The following RAB3GAP1 variants were observed in gnomAD, a reference collection of about 807,000 sequenced individuals.
RAB3GAP1 encodes the protein rab3 GTPase-activating protein catalytic subunit.
In RAB3GAP1, 86 loss-of-function variants were observed where a neutral mutation model predicts 130.7. The ratio of observed to expected loss-of-function variants is 0.66; its 90% CI spans 0.55 to 0.79. The LOEUF (loss-of-function observed/expected upper bound fraction) is 0.79. Ranked by LOEUF, RAB3GAP1 falls within the 30% of genes least tolerant of loss-of-function variation. The pLI, the probability that RAB3GAP1 is intolerant of heterozygous loss-of-function variation, is 0.00. For missense variants in RAB3GAP1, 1,029 were observed against 1,169.4 expected (o/e 0.88, Z 1.75); for synonymous variants, 367 against 401.7 (o/e 0.91, Z 1.03).
At chr2:135,107,801 C>T (rs62170178) in intron 5 of RAB3GAP1, among the ~76,000 whole-genome samples, 6,375 of 151,504 alleles carry the variant, frequency 0.042, 157 homozygotes, top group African/African-American at 0.056. Flanking sequence ...GGTGAAACCC[C>T]GTCTCTACTA....
intron 19 of RAB3GAP1, among the ~76,000 whole-genome samples, chr2:135,156,300 C>T (rs1692309033): frequency 6.6e-6 from 1 of 152,072 alleles, no homozygotes; most frequent in South Asian, 2.1e-4. Context: ...ATTATTTCAA[C>T]ACATAATAAT....
chr2:135,114,663 A>G (rs967376166), intron 6 of RAB3GAP1, among the ~76,000 whole-genome samples: 1 of 152,208 alleles, frequency 6.6e-6, no homozygotes, highest in Non-Finnish European at 1.5e-5. Context: ...AAGATAGCTT[A>G]TTTAATATAC....
At chr2:135,095,728 C>A (rs772061254) in intron 5 of RAB3GAP1, among the ~76,000 whole-genome samples, 1 of 152,142 alleles carries the variant, frequency 6.6e-6, no homozygotes, top group South Asian at 2.1e-4. Context: ...GTATGCTGTT[C>A]TGAGTAGTAT....
intron 3 of RAB3GAP1, among the ~76,000 whole-genome samples, chr2:135,080,376 T>A (rs1170034816): frequency 6.6e-6 from 1 of 152,170 alleles, no homozygotes. Context: ...TACATACTTA[T>A]GAGCAGATGA....
intron 5 of RAB3GAP1, among the ~76,000 whole-genome samples, chr2:135,096,289 A>T (rs1690288965): frequency 6.6e-6 from 1 of 152,166 alleles, no homozygotes. Flanking sequence ...TGATTTTTTT[A>T]AATTAAAGAA....
intron 5 of RAB3GAP1, among the ~76,000 whole-genome samples, chr2:135,099,429 TTCTG>T (rs1690390041): frequency 7.2e-6 from 1 of 139,140 alleles, no homozygotes; most frequent in Non-Finnish European, 1.5e-5. Flanking sequence ...CAATTTGTAT[TTCTG>T]TGTGTGTGTG....
At chr2:135,062,884 C>T (rs927142922) in intron 3 of RAB3GAP1, among the ~76,000 whole-genome samples, 3 of 152,188 alleles carry the variant, frequency 2.0e-5, no homozygotes, top group Admixed American at 6.5e-5. Flanking sequence ...TGTGTCATAA[C>T]GCCTGGCTAA....
intron 3 of RAB3GAP1, among the ~76,000 whole-genome samples, chr2:135,069,874 C>T (rs1047524488): frequency 6.6e-6 from 1 of 152,120 alleles, no homozygotes; most frequent in African/African-American, 2.4e-5. Flanking sequence ...TTCTGTGCCT[C>T]CCTCCAGGAA....
intron 5 of RAB3GAP1, among the ~76,000 whole-genome samples, chr2:135,099,118 A>AG (rs1690381213): frequency 6.6e-6 from 1 of 151,902 alleles, no homozygotes; most frequent in African/African-American, 2.4e-5. Flanking sequence ...TGCTTATCTC[A>AG]GGGGGACAGC....
chr2:135,172,774 A>G (rs187649791), downstream of RAB3GAP1, among the ~76,000 whole-genome samples: 9 of 152,170 alleles, frequency 5.9e-5, no homozygotes, highest in Admixed American at 3.9e-4. Flanking sequence ...TAATTTTTAG[A>G]GGTTTATTAG....
Position 135,091,059 on chromosome 2 carries a change from A to G in RAB3GAP1, c.212A>G (p.Lys71Arg), listed in dbSNP as rs1239413701. 1 of 1,609,010 alleles carries G rather than the reference A, an allele frequency of 6.2e-7. No homozygotes were observed. Among genetic ancestry groups the G allele is most frequent in the Non-Finnish European group, 8.5e-7 (1 of 1,175,676 alleles). ...GATGAAATTTCCTTTGCTGACTTCA[A>G]GTTCTCAGTCACTCATCATTATCTT... ...KSDEISFADFKFSVTHHYLVQ... is the reference protein window; with the variant it reads ...KSDEISFADFRFSVTHHYLVQ... Residue 71 changes from lysine to arginine, a missense_variant, in exon 4 of 24, where the codon AAG (lysine) becomes AGG (arginine). Physicochemically the swap from Lys to Arg is conservative, Grantham distance 26. Around this residue, in one of 3 missense-constraint regions of RAB3GAP1, gnomAD observed 510 missense variants for 532.1 expected, o/e 0.96. Coordinates refer to ENST00000264158, the MANE Select transcript of RAB3GAP1 (RefSeq NM_012233.3).
At chr2:135,071,605 C>G (rs1689474228) in intron 3 of RAB3GAP1, among the ~76,000 whole-genome samples, 2 of 151,738 alleles carry the variant, frequency 1.3e-5, no homozygotes, top group Non-Finnish European at 2.9e-5. Context: ...AAGTGCAGCA[C>G]AACAGAAAAG....
chr2:135,082,737 G>A (rs983060150), intron 3 of RAB3GAP1, among the ~76,000 whole-genome samples: 8 of 151,766 alleles, frequency 5.3e-5, no homozygotes, highest in Non-Finnish European at 5.9e-5. Flanking sequence ...CACCGTGACC[G>A]GCCAATATGT....
intron 3 of RAB3GAP1, among the ~76,000 whole-genome samples, chr2:135,079,973 C>G (rs189009612): frequency 6.6e-6 from 1 of 152,000 alleles, no homozygotes; most frequent in Non-Finnish European, 1.5e-5. Context: ...AAAAATTAGC[C>G]GGGCGCAGTG....
chr2:135,124,741 C>T (rs1395334082), intron 9 of RAB3GAP1, among the ~76,000 whole-genome samples: 1 of 152,148 alleles, frequency 6.6e-6, no homozygotes, highest in East Asian at 1.9e-4. Context: ...ATTTGATATT[C>T]ATCTATAACT....
Position 135,168,708 on chromosome 2 carries a change from G to T in RAB3GAP1, c.2873G>T (p.Arg958Leu), listed in dbSNP as rs778979339. The T allele has an allele frequency of 6.2e-6, 10 of 1,614,056 alleles. No homozygotes were observed. The highest frequency in any genetic ancestry group is 1.7e-5 in the Admixed American group (1 of 60,006). ...CCCTACTCCAAAGCTCTGCCTCAGCGGATGTACAGTGTTCTCACCAAAGAG... is the reference window on the plus strand; with the variant it reads ...CCCTACTCCAAAGCTCTGCCTCAGCTGATGTACAGTGTTCTCACCAAAGAG... ...PAPYSKALPQ[R>L]MYSVLTKEDF... The change falls in exon 24 of 24, where the codon CGG (arginine) becomes CTG (leucine). Residue 958 changes from arginine to leucine, a missense_variant. Around this residue, in one of 3 missense-constraint regions of RAB3GAP1, gnomAD observed 146 missense variants for 143.7 expected, o/e 1.02. Transcript: ENST00000264158.
At chr2:135,141,915 T>A (rs1401637197) in intron 17 of RAB3GAP1, among the ~76,000 whole-genome samples, 3 of 152,020 alleles carry the variant, frequency 2.0e-5, no homozygotes, top group African/African-American at 7.3e-5. Flanking sequence ...GTCTCTGTCG[T>A]GTGCCAGTAA....
chr2:135,062,105 C>T (rs1257654064), intron 3 of RAB3GAP1, among the ~76,000 whole-genome samples: 1 of 152,028 alleles, frequency 6.6e-6, no homozygotes. Context: ...ACTGCAGCCT[C>T]CTGCCACCAT....
chr2:135,082,592 C>T (rs1378199297), intron 3 of RAB3GAP1, among the ~76,000 whole-genome samples: 8 of 152,046 alleles, frequency 5.3e-5, no homozygotes, highest in African/African-American at 1.9e-4. Context: ...AGGTGCCTGC[C>T]ACCACGCCCA....
Sources: allele counts gnomAD v4.1 joint callset (sites outside exome capture counted in the v4.1 genomes callset), GRCh38; gene constraint gnomAD v4.1.1; regional missense constraint gnomAD v4.1.1; transcripts MANE v1.5; gene names NCBI Gene and HGNC (gene_info 2026-07-23, HGNC 2026-07-21).